LHFPL6: variants seen among roughly 807,000 people sequenced by gnomAD.
LHFPL6 encodes LHFPL tetraspan subfamily member 6, also known as LHFPL tetraspan subfamily member 6 protein.
A neutral mutation model predicts 20.6 loss-of-function variants in LHFPL6; 9 were observed. That is an observed-to-expected ratio of 0.44 (90% CI 0.26 to 0.76). The LOEUF is 0.76. LHFPL6 is among the 30% of genes least tolerant of loss of function. LHFPL6 has a pLI of 0.20. For missense variants in LHFPL6, 218 were observed against 253.5 expected (o/e 0.86, Z 0.95); for synonymous variants, 105 against 98.7 (o/e 1.06, Z -0.38).
At chr13:39,448,564 C>A (rs1186672329) in intron 2 of LHFPL6, among the ~76,000 whole-genome samples, 7 of 152,156 alleles carry the variant, frequency 4.6e-5, no homozygotes, top group African/African-American at 1.7e-4. Flanking sequence ...TACAACTTAA[C>A]GTACAAAATT....
intron 2 of LHFPL6, among the ~76,000 whole-genome samples, chr13:39,562,373 T>C (rs75566072): frequency 8.3e-6 from 1 of 120,772 alleles, no homozygotes; most frequent in Non-Finnish European, 1.9e-5. Flanking sequence ...TATACATATA[T>C]ACATATATAC....
At chr13:39,473,373 G>C (rs529312229) in intron 2 of LHFPL6, among the ~76,000 whole-genome samples, 4 of 150,508 alleles carry the variant, frequency 2.7e-5, no homozygotes, top group South Asian at 4.3e-4. Context: ...AATACATTTT[G>C]TGTTTACTAG....
chr13:39,553,196 A>T lies in LHFPL6; in HGVS notation c.385+47636T>A, dbSNP rs140385101. 2.3e-3 allele frequency among the ~76,000 whole-genome samples: 343 copies of T among 152,320 alleles called. 3 individuals are homozygous for T. Among genetic ancestry groups the T allele is most frequent in the South Asian group, 4.2e-3 (20 of 4,818 alleles). On this transcript the variant is annotated intron_variant, in intron 2 of 3. Coordinates refer to ENST00000379589, the MANE Select transcript of LHFPL6 (RefSeq NM_005780.3). ...GAAAGCACAGAAATACAATTAATGG[A>T]ATACAATTTAGAAATTATTTTGATA... is the stretch of plus-strand genomic sequence containing the variant.
intron 2 of LHFPL6, among the ~76,000 whole-genome samples, chr13:39,431,719 G>C (rs945878561): frequency 1.4e-4 from 15 of 103,474 alleles, no homozygotes; most frequent in African/African-American, 5.4e-4. Context: ...AGAATTTGTG[G>C]GGGGGGGGGG....
intron 3 of LHFPL6, among the ~76,000 whole-genome samples, chr13:39,353,585 A>G (rs1869650050): frequency 6.6e-6 from 1 of 151,862 alleles, no homozygotes; most frequent in South Asian, 2.1e-4. Context: ...AAAATTAGCC[A>G]GGTGTGGTGT....
At chr13:39,379,429 T>C (rs1237760880) in intron 2 of LHFPL6, among the ~76,000 whole-genome samples, 1 of 152,122 alleles carries the variant, frequency 6.6e-6, no homozygotes, top group Non-Finnish European at 1.5e-5. Flanking sequence ...AACAGATACA[T>C]AGTCTAATGT....
chr13:39,359,304 A>G (rs1287201962), intron 3 of LHFPL6, among the ~76,000 whole-genome samples: 1 of 152,234 alleles, frequency 6.6e-6, no homozygotes, highest in Non-Finnish European at 1.5e-5. Context: ...TTGAACTACC[A>G]TTCAACTCAA....
At chr13:39,514,615 C>T (rs1869839606) in intron 2 of LHFPL6, among the ~76,000 whole-genome samples, 1 of 152,196 alleles carries the variant, frequency 6.6e-6, no homozygotes, top group Non-Finnish European at 1.5e-5. Context: ...CTGGGCAGTG[C>T]ATTATTACCC....
At chr13:39,375,322 A>G (rs567666885) in intron 3 of LHFPL6, among the ~76,000 whole-genome samples, 2 of 152,340 alleles carry the variant, frequency 1.3e-5, no homozygotes, top group East Asian at 1.9e-4. Context: ...TGACTTCACT[A>G]GGTAACTGAA....
chr13:39,516,898 T>C (rs892657131), intron 2 of LHFPL6, among the ~76,000 whole-genome samples: 1 of 152,226 alleles, frequency 6.6e-6, no homozygotes, highest in African/African-American at 2.4e-5. Context: ...CAACTTATTA[T>C]ACAAAGCCTC....
intron 2 of LHFPL6, among the ~76,000 whole-genome samples, chr13:39,499,238 T>A (rs546220018): frequency 7.8e-6 from 1 of 128,748 alleles, no homozygotes; most frequent in South Asian, 2.6e-4. Context: ...ACTCAAGGCA[T>A]GGCAATGAGC....
chr13:39,481,632 A>G (rs1403052274), intron 2 of LHFPL6, among the ~76,000 whole-genome samples: 1 of 152,168 alleles, frequency 6.6e-6, no homozygotes, highest in Non-Finnish European at 1.5e-5. Context: ...GCAAAGACAA[A>G]GACAAAGACC....
At chr13:39,514,884 G>GC (rs1869850245) in intron 2 of LHFPL6, among the ~76,000 whole-genome samples, 1 of 152,170 alleles carries the variant, frequency 6.6e-6, no homozygotes, top group Non-Finnish European at 1.5e-5. Context: ...CTAAAGGCAG[G>GC]GACTCTATCC....
At chr13:39,570,510 A>G (rs1023425782) in intron 2 of LHFPL6, among the ~76,000 whole-genome samples, 2 of 151,710 alleles carry the variant, frequency 1.3e-5, no homozygotes, top group Non-Finnish European at 2.9e-5. Flanking sequence ...AGGATGTGGG[A>G]GTAAAATAAT....
intron 3 of LHFPL6, among the ~76,000 whole-genome samples, chr13:39,358,335 C>T (rs1024521259): frequency 2.0e-5 from 3 of 152,148 alleles, no homozygotes; most frequent in African/African-American, 7.2e-5. Flanking sequence ...GTATAACTGG[C>T]TATCCATATG....
intron 2 of LHFPL6, among the ~76,000 whole-genome samples, chr13:39,511,747 G>T (rs995738857): frequency 1.3e-5 from 2 of 152,182 alleles, no homozygotes; most frequent in Non-Finnish European, 2.9e-5. Flanking sequence ...AGCCTGAAAA[G>T]ATACCTGCTA....
rs191650063 is a variant in LHFPL6, at chr13:39,482,834, T to C, written c.386-104308A>G. ...AAGGTAGAGTTTCATTAAAGGTGGG[T>C]GATACAAAAGATGATGAAAAGAAAA... On this transcript the variant is annotated intron_variant, in intron 2 of 3. Transcript: ENST00000379589. Among the ~76,000 whole-genome samples the C allele has an allele frequency of 1.4e-4, 22 of 152,158 alleles. No individual in the cohort carries two copies. In the East Asian group the frequency reaches 4.2e-3, roughly 29 times the overall value.
intron 2 of LHFPL6, among the ~76,000 whole-genome samples, chr13:39,469,842 CTCTT>C (rs1376765423): frequency 6.6e-6 from 1 of 152,176 alleles, no homozygotes; most frequent in Non-Finnish European, 1.5e-5. Flanking sequence ...AATATGCTGT[CTCTT>C]TCTATAAGGC....
intron 2 of LHFPL6, among the ~76,000 whole-genome samples, chr13:39,484,014 C>A (rs1223357853): frequency 6.6e-6 from 1 of 152,150 alleles, no homozygotes; most frequent in Non-Finnish European, 1.5e-5. Flanking sequence ...TGGAAGAGGA[C>A]AATTCACCTC....
Sources: gnomAD v4.1 joint callset for allele counts (sites outside exome capture counted in the v4.1 genomes callset) on GRCh38, gnomAD v4.1.1 for gene constraint, MANE v1.5 for transcripts, NCBI Gene and HGNC (gene_info 2026-07-23, HGNC 2026-07-21) for gene names.